The following PPIL1 variants were observed in gnomAD, a reference collection of about 807,000 sequenced individuals.
The protein encoded by PPIL1 is peptidyl-prolyl cis-trans isomerase-like 1.
A neutral mutation model predicts 19.4 loss-of-function variants in PPIL1; 14 were observed. The observed-to-expected ratio is 0.72, with a 90% CI of 0.48 to 1.13. The LOEUF (loss-of-function observed/expected upper bound fraction) is 1.13, where lower values mean the gene tolerates loss of function less well. Ranked by LOEUF, PPIL1 falls within the 50% of genes most tolerant of loss-of-function variation. The pLI, the probability that PPIL1 is intolerant of heterozygous loss-of-function variation, is 0.00. For missense variants in PPIL1, 192 were observed against 218.0 expected (o/e 0.88, Z 0.75); for synonymous variants, 72 against 73.6 (o/e 0.98, Z 0.11).
intron 2 of PPIL1, among the ~76,000 whole-genome samples, chr6:36,868,897 G>C (rs1774451768): frequency 6.6e-6 from 1 of 151,978 alleles, no homozygotes. Flanking sequence ...CAAACCAGAA[G>C]GCAATTGATC....
chr6:36,872,302 G>A (rs927529395), intron 1 of PPIL1, among the ~76,000 whole-genome samples: 10 of 151,872 alleles, frequency 6.6e-5, no homozygotes, highest in Non-Finnish European at 1.2e-4. Context: ...TTCTGGGTGG[G>A]GGTAGGGACT....
At chr6:36,860,895 T>G (rs1264076114) in intron 2 of PPIL1, among the ~76,000 whole-genome samples, 1 of 152,162 alleles carries the variant, frequency 6.6e-6, no homozygotes, top group African/African-American at 2.4e-5. Context: ...GTATTACACT[T>G]TATATATTCT....
intron 2 of PPIL1, among the ~76,000 whole-genome samples, chr6:36,865,369 T>C (rs950635613): frequency 7.9e-5 from 12 of 152,208 alleles, no homozygotes; most frequent in Non-Finnish European, 1.5e-4. Flanking sequence ...AACTGCTCCT[T>C]ACTGTCCCCT....
chr6:36,872,830 G>C (rs1774544261), intron 1 of PPIL1, among the ~76,000 whole-genome samples: 1 of 152,106 alleles, frequency 6.6e-6, no homozygotes, highest in South Asian at 2.1e-4. Context: ...GGCTTGTCTT[G>C]AACTCCTGGG....
chr6:36,856,206 A>G (rs558943116), intron 3 of PPIL1, among the ~76,000 whole-genome samples, 173 bp from the exon 4 acceptor site: 101 of 152,226 alleles, frequency 6.6e-4, no homozygotes, highest in African/African-American at 2.1e-3. Flanking sequence ...CCATCACTAC[A>G]CTATTCTGGC....
intron 2 of PPIL1, 130 bp from the exon 3 acceptor site, chr6:36,856,784 C>T (rs1774176475): frequency 1.4e-5 from 10 of 712,470 alleles, no homozygotes; most frequent in Non-Finnish European, 2.5e-5. Context: ...TACCCCACTG[C>T]TAGGTATATT....
At chr6:36,874,635 G>C in intron 1 of PPIL1, 82 bp downstream of exon 1, 1 of 1,553,562 alleles carries the variant, frequency 6.4e-7, no homozygotes, top group Non-Finnish European at 8.9e-7. Flanking sequence ...CCTCCCGGAG[G>C]AACGCGCCAG....
intron 2 of PPIL1, among the ~76,000 whole-genome samples, chr6:36,867,608 G>A (rs192843597): frequency 1.3e-5 from 2 of 152,334 alleles, no homozygotes; most frequent in East Asian, 3.9e-4. Flanking sequence ...CAGGCACGCA[G>A]GGCTGGCCAC....
In PPIL1 at chr6:36,874,698, G is replaced by A. The variant is rs372066813; in HGVS notation, c.56+19C>T. The A allele has an allele frequency of 2.5e-5, 41 of 1,613,558 alleles. No homozygotes were observed. In the East Asian group the frequency reaches 4.9e-4, roughly 19 times the overall value. Reference sequence around the variant, plus strand: ...CTCCGCGTCTCCTCTGCCAGCCCCAGACGCCCGAACCCCCTCACCTGGTCT... The same window carrying A: ...CTCCGCGTCTCCTCTGCCAGCCCCAAACGCCCGAACCCCCTCACCTGGTCT... On this transcript the variant is annotated intron_variant, in intron 1 of 3. Transcript: ENST00000373699.
At chr6:36,857,451 G>A (rs1774190578) in intron 2 of PPIL1, among the ~76,000 whole-genome samples, 1 of 151,946 alleles carries the variant, frequency 6.6e-6, no homozygotes, top group Admixed American at 6.6e-5. Flanking sequence ...CCAGGAGTTT[G>A]AGCTGGGCCA....
chr6:36,865,107 C>T (rs1427176480), intron 2 of PPIL1, among the ~76,000 whole-genome samples: 1 of 152,222 alleles, frequency 6.6e-6, no homozygotes, highest in East Asian at 1.9e-4. Context: ...AACCACACTC[C>T]CGACAGGTGA....
At chr6:36,863,775 C>T (rs1003470241) in intron 2 of PPIL1, among the ~76,000 whole-genome samples, 5 of 151,850 alleles carry the variant, frequency 3.3e-5, no homozygotes, top group African/African-American at 1.2e-4. Flanking sequence ...TGGTTATACC[C>T]AGTGGTCAAT....
chr6:36,866,647 G>A (rs1020341649), intron 2 of PPIL1, among the ~76,000 whole-genome samples: 2 of 152,226 alleles, frequency 1.3e-5, no homozygotes, highest in Middle Eastern at 3.4e-3. Flanking sequence ...GCTGTGGCAT[G>A]AGCAACTCAC....
At position 36,855,933 on chromosome 6, in the gene PPIL1, G is replaced by T. The variant is rs201735024; in HGVS notation, c.381C>A (p.Thr127=). 2 of 1,614,140 alleles carry T rather than the reference G, an allele frequency of 1.2e-6. No homozygotes were observed. The highest frequency in any genetic ancestry group is 4.5e-5 in the East Asian group (2 of 44,878). The change falls in exon 4 of 4, where the codon ACC becomes ACA. Residue 127 remains threonine, a synonymous_variant. Transcript: ENST00000373699. ...APTQWLDGKH[T]IFGRVCQGIG... ...TGCCCTGACACACTCGGCCAAAAATGGTGTGTTTGCCGTCAAGCCACTGGG... is the reference window on the plus strand; with the variant it reads ...TGCCCTGACACACTCGGCCAAAAATTGTGTGTTTGCCGTCAAGCCACTGGG...
In PPIL1 at chr6:36,855,959, T is replaced by TG. The variant is rs1374447120; in HGVS notation, c.354dup (p.Thr119HisfsTer5). On this transcript the variant is annotated frameshift_variant, in exon 4 of 4. Transcript: ENST00000373699. LOFTEE classifies it high-confidence loss of function. The stretch of plus-strand genomic sequence containing the variant: ...GTGTGTTTGCCGTCAAGCCACTGGG[T>TG]GGGGGCGAGGGTCACAAAGAACTGG... The TG allele has an allele frequency of 3.8e-5, 61 of 1,613,984 alleles. No homozygotes were observed. Among genetic ancestry groups the TG allele is most frequent in the Non-Finnish European group, 5.0e-5 (59 of 1,180,024 alleles).
rs908439921 is a variant in PPIL1, at chr6:36,855,561, T to G, written c.*252A>C. Reference sequence around the variant, plus strand: ...ACAAGAAGCAGCATTATGGTTCATGTGTAGTAAGTAGTCACCTATTGATAA... The same window carrying G: ...ACAAGAAGCAGCATTATGGTTCATGGGTAGTAAGTAGTCACCTATTGATAA... On this transcript the variant is annotated 3_prime_UTR_variant, in exon 4 of 4. Coordinates refer to ENST00000373699, the MANE Select transcript of PPIL1 (RefSeq NM_016059.5). 1 of 509,812 alleles carries G rather than the reference T, an allele frequency of 2.0e-6. No individual in the cohort carries two copies. Among genetic ancestry groups the G allele is most frequent in the African/African-American group, 1.9e-5 (1 of 51,918 alleles). 31.6% of individuals were successfully genotyped at this position (509,812 alleles called of 1,614,324 possible). A position where few individuals can be genotyped will look rare whatever the true frequency, so the allele number is the denominator to read the frequency against.
Position 36,855,975 on chromosome 6 carries a change from A to G in PPIL1, c.339T>C (p.Phe113=). The change falls in exon 4 of 4, where the codon TTT becomes TTC. Residue 113 remains phenylalanine, a synonymous_variant. Transcript: ENST00000373699. ...GCCACTGGGTGGGGGCGAGGGTCAC[A>G]AAGAACTGGCTGCCATTGGTATCTG... ...AGPDTNGSQF[F]VTLAPTQWLD... The G allele has an allele frequency of 6.2e-7, 1 of 1,614,222 alleles. No homozygotes were observed. The highest frequency in any genetic ancestry group is 8.5e-7 in the Non-Finnish European group (1 of 1,180,036).
In PPIL1 at chr6:36,854,936, A is replaced by C. The variant is rs1246426737; in HGVS notation, c.*877T>G. Reference sequence around the variant, plus strand: ...ACAAAATCCAGAAAGTTATTTTTATACATAAACAACTGAACATATAAAAAT... The same window carrying C: ...ACAAAATCCAGAAAGTTATTTTTATCCATAAACAACTGAACATATAAAAAT... On this transcript the variant is annotated 3_prime_UTR_variant, in exon 4 of 4. Transcript: ENST00000373699. 1 of 152,674 alleles carries C rather than the reference A, an allele frequency of 6.5e-6. No homozygotes were observed. The highest frequency in any genetic ancestry group is 1.5e-5 in the Non-Finnish European group (1 of 68,054). The allele number at this position is 152,674 out of a possible 1,614,324, so 9.5% of individuals were successfully genotyped here. A position where few individuals can be genotyped will look rare whatever the true frequency, so the allele number is the denominator to read the frequency against.
chr6:36,855,600 T>A lies in PPIL1; in HGVS notation c.*213A>T, dbSNP rs1774149338. 8 of 580,138 alleles carry A rather than the reference T, an allele frequency of 1.4e-5. No homozygotes were observed. The South Asian group carries it at 1.6e-4, about 12-fold the overall frequency. 35.9% of individuals were successfully genotyped at this position (580,138 alleles called of 1,614,324 possible). A position where few individuals can be genotyped will look rare whatever the true frequency, so the allele number is the denominator to read the frequency against. On this transcript the variant is annotated 3_prime_UTR_variant, in exon 4 of 4. Transcript: ENST00000373699. ...ACCTATTGATAAACAGGGGCATTTGTGCAAATGCTCTGGCAACCTAGGCAC... is the reference window on the plus strand; with the variant it reads ...ACCTATTGATAAACAGGGGCATTTGAGCAAATGCTCTGGCAACCTAGGCAC...
Sources: allele counts gnomAD v4.1 joint callset (sites outside exome capture counted in the v4.1 genomes callset), GRCh38; gene constraint gnomAD v4.1.1; transcripts MANE v1.5; gene names NCBI Gene and HGNC (gene_info 2026-07-23, HGNC 2026-07-21).